Variants in DGLUCY observed in about 807,000 individuals in gnomAD.
DGLUCY encodes the protein D-glutamate cyclase, also known as D-glutamate cyclase, mitochondrial.
In DGLUCY, 58 loss-of-function variants were observed where a neutral mutation model predicts 58.5. The observed-to-expected ratio is 0.99, with a 90% CI of 0.80 to 1.23. The LOEUF (loss-of-function observed/expected upper bound fraction) is 1.23, where lower values mean the gene tolerates loss of function less well. DGLUCY is among the 50% of genes most tolerant of loss of function. DGLUCY has a pLI of 0.00. For synonymous variants in DGLUCY, 325 were observed against 314.1 expected, an observed-to-expected ratio of 1.03 and a Z score of -0.37; for missense variants, 779 against 784.7, an observed-to-expected ratio of 0.99 and a Z score of 0.09.
chr14:91,060,577 T>C, exon 1 of DGLUCY: 1 of 1,109,108 alleles, frequency 9.0e-7, no homozygotes, highest in East Asian at 3.3e-5. Context: ...CGAGTCTCTT[T>C]CCCGCTCTGG....
chr14:91,133,074 A>C (rs1023191726), intron 1 of DGLUCY, among the ~76,000 whole-genome samples: 2 of 151,990 alleles, frequency 1.3e-5, no homozygotes, highest in African/African-American at 4.8e-5. Flanking sequence ...TGGGCGGATC[A>C]CTGGAGGTCA....
Position 91,170,056 on chromosome 14 carries a change from T to G in DGLUCY, c.311T>G (p.Leu104Arg), listed in dbSNP as rs1168562721. ...GAGTTCGGTGCCTGCACCGGCAGCC[T>G]GGCTTCGCTGGAGCAGTACTCGGAG... ...KYEFGACTGS[L>R]ASLEQYSEQL... is the part of the protein sequence containing the mutation. The change falls in exon 5 of 14, where the codon CTG becomes CGG. Residue 104 changes from leucine (L) to arginine (R), a missense_variant. By Grantham distance (102) the Leu-to-Arg change is moderately radical. Transcript: ENST00000256324. 1 of 1,612,416 alleles carries G rather than the reference T, an allele frequency of 6.2e-7. No individual in the cohort carries two copies. Among genetic ancestry groups the G allele is most frequent in the South Asian group, 1.1e-5 (1 of 91,002 alleles).
chr14:91,201,709 G>T (rs2050573729), intron 11 of DGLUCY, among the ~76,000 whole-genome samples: 1 of 151,984 alleles, frequency 6.6e-6, no homozygotes, highest in African/African-American at 2.4e-5. Flanking sequence ...CTCCCAAACT[G>T]TTTCAATTAC....
chr14:91,153,583 C>G (rs1337837332), intron 1 of DGLUCY, among the ~76,000 whole-genome samples: 1 of 152,182 alleles, frequency 6.6e-6, no homozygotes, highest in Non-Finnish European at 1.5e-5. Context: ...CTTCTCTGAA[C>G]TGAAAGGAAA....
intron 1 of DGLUCY, among the ~76,000 whole-genome samples, chr14:91,069,621 G>C (rs1016721734): frequency 6.6e-5 from 10 of 151,894 alleles, no homozygotes; most frequent in African/African-American, 1.5e-4. Flanking sequence ...TTTATGGCAA[G>C]TGATACTTTC....
Position 91,092,486 on chromosome 14 carries a change from T to A in DGLUCY, c.-82+31782T>A, listed in dbSNP as rs919897438. 3.3e-5 allele frequency among the ~76,000 whole-genome samples: 5 copies of A among 152,226 alleles called. No homozygotes were observed. The East Asian group carries it at 9.6e-4, about 29-fold the overall frequency. On this transcript the variant is annotated intron_variant, in intron 1 of 4. Transcript: ENST00000521334. ...AGTGGCATCTTGAGTATTGGTTAGATTGAGAAGACACTTGATGATAAAAGG... is the reference window on the plus strand; with the variant it reads ...AGTGGCATCTTGAGTATTGGTTAGAATGAGAAGACACTTGATGATAAAAGG...
intron 1 of DGLUCY, among the ~76,000 whole-genome samples, chr14:91,140,388 T>C (rs931740750): frequency 6.6e-6 from 1 of 152,148 alleles, no homozygotes; most frequent in African/African-American, 2.4e-5. Context: ...AAATAATTTA[T>C]GGGTCGGGTG....
chr14:91,061,996 C>T (rs2043701322), intron 1 of DGLUCY, among the ~76,000 whole-genome samples: 1 of 152,108 alleles, frequency 6.6e-6, no homozygotes, highest in African/African-American at 2.4e-5. Context: ...TTAAACTAAG[C>T]ATGGATTGGA....
intron 1 of DGLUCY, among the ~76,000 whole-genome samples, chr14:91,129,663 T>C (rs2045923853): frequency 6.6e-6 from 1 of 151,928 alleles, no homozygotes; most frequent in Admixed American, 6.6e-5. Context: ...TTTTTTTTTC[T>C]GAGACGGAGT....
At chr14:91,181,426 T>TA in intron 8 of DGLUCY, 37 bp downstream of exon 8, 1 of 1,584,814 alleles carries the variant, frequency 6.3e-7, no homozygotes, top group Non-Finnish European at 8.6e-7. Context: ...TAGACCCAGG[T>TA]AAGAAACAAC....
In DGLUCY at chr14:91,074,114, T is replaced by TACACACACACAC. The variant is rs1326685656; in HGVS notation, c.-82+13411_-82+13412insCACACACACACA. ...CTACCAAAAAAAAAAAATATATATA[T>TACACACACACAC]ATATACACACACACACACACACACA... On this transcript the variant is annotated intron_variant, in intron 1 of 4. Coordinates refer to the DGLUCY transcript ENST00000521334. 2.6e-3 allele frequency among the ~76,000 whole-genome samples: 168 copies of TACACACACACAC among 64,478 alleles called. 3 individuals are homozygous for TACACACACACAC. Among genetic ancestry groups the TACACACACACAC allele is most frequent in the Middle Eastern group, 8.8e-3 (1 of 114 alleles). 42.3% of individuals were successfully genotyped at this position (64,478 alleles called of 152,430 possible).
rs558251801 is a variant in DGLUCY at position 91,223,656 on chromosome 14, C to CTTT, written c.1717-1017_1717-1015dup. On this transcript the variant is annotated intron_variant, in intron 13 of 13. Coordinates refer to ENST00000256324, the MANE Select transcript of DGLUCY (RefSeq NM_001102368.3). ...GGGGGGATGGAGGAGGATCAAACCACTTTTTTTTTTTTTAACCAGCAGGAG... is the reference window on the plus strand; with the variant it reads ...GGGGGGATGGAGGAGGATCAAACCACTTTTTTTTTTTTTTTTAACCAGCAGGAG... The CTTT allele has an allele frequency of 3.2e-3, 3,529 of 1,088,330 alleles. 3 individuals carry two copies. The highest frequency in any genetic ancestry group is 0.024 in the South Asian group (1,710 of 71,064). The allele number at this position is 1,088,330 out of a possible 1,614,324, so 67.4% of individuals were successfully genotyped here. A position where few individuals can be genotyped will look rare whatever the true frequency, so the allele number is the denominator to read the frequency against.
At chr14:91,173,666 G>T (rs1429128367) in intron 6 of DGLUCY, 1 of 518,418 alleles carries the variant, frequency 1.9e-6, no homozygotes, top group Non-Finnish European at 3.2e-6. Flanking sequence ...TTTACCAGGG[G>T]TCTCCAGGGG....
At chr14:91,107,941 T>C (rs2044619365), upstream of DGLUCY, 1 of 152,244 alleles carries the variant, frequency 6.6e-6, no homozygotes, top group African/African-American at 2.4e-5. Context: ...GCTTGCCAGG[T>C]GCTGCTGCCA....
upstream of DGLUCY, among the ~76,000 whole-genome samples, chr14:91,110,183 T>C (rs535825966): frequency 3.9e-5 from 6 of 152,356 alleles, no homozygotes; most frequent in East Asian, 9.6e-4. Flanking sequence ...TATTGTAATA[T>C]TTCTCTTCCT....
chr14:91,119,823 A>G (rs1232601277), intron 1 of DGLUCY, among the ~76,000 whole-genome samples: 1 of 152,204 alleles, frequency 6.6e-6, no homozygotes, highest in Non-Finnish European at 1.5e-5. Context: ...GCAGAGGAAC[A>G]TGGAAGGACT....
At chr14:91,204,575 G>A in intron 11 of DGLUCY, 131 bp from the exon 12 acceptor site, 1 of 1,252,194 alleles carries the variant, frequency 8.0e-7, no homozygotes, top group South Asian at 1.5e-5. Flanking sequence ...ACTCCTGGTT[G>A]TCTGAAAATA....
At chr14:91,129,402 CG>C (rs1278893746) in intron 1 of DGLUCY, among the ~76,000 whole-genome samples, 1 of 151,796 alleles carries the variant, frequency 6.6e-6, no homozygotes, top group African/African-American at 2.4e-5. Context: ...CTATATGGTT[CG>C]GTTTTGCAAA....
rs146751908 is a variant in DGLUCY, at chr14:91,065,050, G to A, written c.-82+4346G>A. Among the ~76,000 whole-genome samples, 89 of 152,224 alleles carry A rather than the reference G, an allele frequency of 5.8e-4. 1 individual carries two copies. The highest frequency in any genetic ancestry group is 2.1e-3 in the African/African-American group (86 of 41,524). Reference sequence around the variant, plus strand: ...AGTAAACTTAGTAAAGCAGAAGCACGCCATATGATCACTTAAATGTGCACA... The same window carrying A: ...AGTAAACTTAGTAAAGCAGAAGCACACCATATGATCACTTAAATGTGCACA... On this transcript the variant is annotated intron_variant, in intron 1 of 4. Coordinates refer to the DGLUCY transcript ENST00000521334.
Sources: gnomAD v4.1 joint callset for allele counts (sites outside exome capture counted in the v4.1 genomes callset) on GRCh38, gnomAD v4.1.1 for gene constraint, MANE v1.5 for transcripts, NCBI Gene and HGNC (gene_info 2026-07-23, HGNC 2026-07-21) for gene names.